Variants in MAGEC3 observed in about 807,000 individuals in gnomAD.
The protein encoded by MAGEC3 is MAGE family member C3.
Under a neutral mutation model 35.3 loss-of-function variants are expected in MAGEC3, and 34 were observed. That is an observed-to-expected ratio of 0.96 (90% confidence interval 0.73 to 1.28). The LOEUF is 1.28. Ranked by LOEUF, MAGEC3 falls within the 50% of genes most tolerant of loss-of-function variation. MAGEC3 has a pLI of 0.00. For missense variants in MAGEC3, 561 were observed against 483.6 expected (o/e 1.16, Z -1.50); for synonymous variants, 202 against 185.6 (o/e 1.09, Z -0.72).
chrX:141,839,579 C>T (rs2017674113), intron 1 of MAGEC3: 1 of 754,270 alleles, frequency 1.3e-6, no homozygotes. Flanking sequence ...CTTCCAGGCC[C>T]ACAGCTGCAA....
chrX:141,869,154 G>A (rs1281088437), intron 2 of MAGEC3, among the ~76,000 whole-genome samples: 1 of 110,971 alleles, frequency 9.0e-6, no homozygotes, highest in East Asian at 2.8e-4. Context: ...AAAGTGCTGG[G>A]ATTACAGGCG....
chrX:141,842,971 A>G (rs1471925547), intron 1 of MAGEC3, among the ~76,000 whole-genome samples: 1 of 112,439 alleles, frequency 8.9e-6, no homozygotes, highest in East Asian at 2.8e-4. Context: ...TTTGTTTGAC[A>G]CACACATTGT....
chrX:141,886,625 T>TAA, intron 4 of MAGEC3, among the ~76,000 whole-genome samples: 1 of 110,986 alleles, frequency 9.0e-6, no homozygotes. Flanking sequence ...TTAGCTCAGC[T>TAA]TGGACTTACA....
chrX:141,894,749 G>C, intron 4 of MAGEC3: 1 of 970,019 alleles, frequency 1.0e-6, no homozygotes, highest in Non-Finnish European at 1.3e-6. Flanking sequence ...GGAAGGCCCA[G>C]GCGTCGCCCA....
intron 1 of MAGEC3, among the ~76,000 whole-genome samples, chrX:141,860,535 G>A (rs1278717851): frequency 1.8e-5 from 2 of 111,751 alleles, no homozygotes; most frequent in African/African-American, 6.5e-5. Flanking sequence ...AAGCAAAAAT[G>A]TGGAAACAAC....
At chrX:141,863,188 A>G (rs1197751795) in intron 1 of MAGEC3, among the ~76,000 whole-genome samples, 2 of 111,980 alleles carry the variant, frequency 1.8e-5, no homozygotes, top group Non-Finnish European at 3.8e-5. Context: ...ATTTTAAAAA[A>G]TTATTTATAA....
chrX:141,852,467 C>T (rs1055649389), intron 1 of MAGEC3, among the ~76,000 whole-genome samples: 3 of 110,695 alleles, frequency 2.7e-5, no homozygotes, highest in East Asian at 5.7e-4. Context: ...CTAGGTTATA[C>T]TTTCAGCTCT....
intron 2 of MAGEC3, among the ~76,000 whole-genome samples, chrX:141,867,281 C>A (rs1335526133): frequency 8.9e-6 from 1 of 111,987 alleles, no homozygotes; most frequent in Non-Finnish European, 1.9e-5. Context: ...TTAACTTCAC[C>A]TTCATACAGT....
intron 2 of MAGEC3, among the ~76,000 whole-genome samples, chrX:141,874,385 G>GA (rs776894731): frequency 1.8e-5 from 2 of 111,646 alleles, no homozygotes; most frequent in South Asian, 7.3e-4. Flanking sequence ...TCATAAAAAT[G>GA]AAAAAATTCT....
Position 141,881,628 on chromosome X carries a change from C to T in MAGEC3, c.741C>T (p.Asp247=), listed in dbSNP as rs1434546734. ...FGISLTEVDP[D]HFYVFVNTLD... ...TTTCCCTGACAGAAGTGGACCCCGA[C>T]CATTTCTATGTCTTTGTAAACACAT... is the stretch of plus-strand genomic sequence containing the variant. The change falls in exon 4 of 8, where the codon GAC becomes GAT. Residue 247 remains aspartate (D), a synonymous_variant. Coordinates refer to ENST00000298296, the MANE Select transcript of MAGEC3 (RefSeq NM_138702.1). The T allele has an allele frequency of 8.3e-7, 1 of 1,209,724 alleles. No homozygotes were observed. The highest frequency in any genetic ancestry group is 1.1e-6 in the Non-Finnish European group (1 of 895,175).
intron 3 of MAGEC3, among the ~76,000 whole-genome samples, 174 bp from the exon 4 acceptor site, chrX:141,881,226 TGAG>T (rs1211492402): frequency 1.8e-5 from 2 of 110,477 alleles, no homozygotes; most frequent in Non-Finnish European, 3.8e-5. Flanking sequence ...TTGGTGCTCA[TGAG>T]GAGGAGGAGG....
chrX:141,846,510 A>G (rs1299980929), intron 1 of MAGEC3, among the ~76,000 whole-genome samples: 1 of 110,731 alleles, frequency 9.0e-6, no homozygotes, highest in Non-Finnish European at 1.9e-5. Context: ...TTAATAGTAC[A>G]GACAAAGACG....
At position 141,897,506 on chromosome X, in the gene MAGEC3, A is replaced by T. The variant is rs1334200349; in HGVS notation, c.1728+20A>T. The T allele has an allele frequency of 8.3e-7, 1 of 1,198,909 alleles. No homozygotes were observed. Among genetic ancestry groups the T allele is most frequent in the Non-Finnish European group, 1.1e-6 (1 of 889,422 alleles). The stretch of plus-strand genomic sequence containing the variant: ...ATAGGGGTGTGTGCTGGGAGGGAGC[A>T]CTTTATATATGGGGATCCCAGAAAG... On this transcript the variant is annotated intron_variant, in intron 7 of 7. Transcript: ENST00000298296.
intron 2 of MAGEC3, among the ~76,000 whole-genome samples, chrX:141,877,370 G>A (rs746180426): frequency 3.4e-4 from 38 of 111,277 alleles, no homozygotes; most frequent in African/African-American, 9.1e-4. Context: ...TGGTACTATA[G>A]GTTAAAATTA....
chrX:141,876,029 C>T (rs760629007), intron 2 of MAGEC3, among the ~76,000 whole-genome samples: 1 of 112,272 alleles, frequency 8.9e-6, no homozygotes, highest in South Asian at 3.7e-4. Flanking sequence ...ACAAGTCAGC[C>T]TTTTTTGGAA....
chrX:141,861,355 C>T (rs750821424), intron 1 of MAGEC3, among the ~76,000 whole-genome samples: 5 of 111,145 alleles, frequency 4.5e-5, no homozygotes, highest in Admixed American at 1.9e-4. Flanking sequence ...AATAACCATA[C>T]CTGCCAAAGA....
intron 4 of MAGEC3, among the ~76,000 whole-genome samples, chrX:141,883,016 A>C (rs2124118478): frequency 8.9e-6 from 1 of 111,739 alleles, no homozygotes; most frequent in Admixed American, 9.4e-5. Flanking sequence ...CCTGCAATGG[A>C]AAACTGCTCT....
intron 1 of MAGEC3, among the ~76,000 whole-genome samples, chrX:141,859,804 A>G (rs1469248923): frequency 7.2e-5 from 8 of 111,718 alleles, no homozygotes; most frequent in Admixed American, 4.8e-4. Context: ...AGCTGTCAAC[A>G]AAAAAGACAA....
chrX:141,852,367 A>G (rs983573459), intron 1 of MAGEC3, among the ~76,000 whole-genome samples: 3 of 110,369 alleles, frequency 2.7e-5, no homozygotes, highest in Non-Finnish European at 3.8e-5. Context: ...GATTTTCTAT[A>G]TATCAAATCA....
Sources: gnomAD v4.1 joint callset for allele counts (sites outside exome capture counted in the v4.1 genomes callset) on GRCh38, gnomAD v4.1.1 for gene constraint, MANE v1.5 for transcripts, NCBI Gene and HGNC (gene_info 2026-07-23, HGNC 2026-07-21) for gene names.